Variants in PMS2 observed in about 807,000 individuals in gnomAD.
PMS2 encodes the protein mismatch repair endonuclease PMS2.
In PMS2, 69 loss-of-function variants were observed where a neutral mutation model predicts 90.0. The observed-to-expected ratio is 0.77, with a 90% CI of 0.63 to 0.94. PMS2 has a LOEUF of 0.94. Among genes scored for constraint, PMS2 ranks in the 40% least tolerant of loss-of-function variants. The pLI is 0.00. For synonymous variants in PMS2, 332 were observed against 375.1 expected (o/e 0.89, Z 1.33); for missense variants, 966 against 1,040.2 (o/e 0.93, Z 0.98).
intron 7 of PMS2, among the ~76,000 whole-genome samples, 168 bp downstream of exon 7, chr7:5,997,158 G>A (rs1784496460): frequency 6.6e-6 from 1 of 150,958 alleles, no homozygotes; most frequent in African/African-American, 2.4e-5. Context: ...AGGTTGCAGT[G>A]AGCCAAGATA....
intron 9 of PMS2, among the ~76,000 whole-genome samples, chr7:5,991,498 T>A (rs1426845243): frequency 6.6e-6 from 1 of 150,866 alleles, no homozygotes; most frequent in African/African-American, 2.4e-5. Flanking sequence ...CCTAACAATA[T>A]AATTAACATA....
intron 12 of PMS2, 111 bp from the exon 13 acceptor site, chr7:5,978,807 C>T: frequency 3.9e-6 from 5 of 1,274,120 alleles, no homozygotes; most frequent in Non-Finnish European, 5.5e-6. Flanking sequence ...GTCAAAATAA[C>T]AACACAAATA....
chr7:5,993,653 G>C lies in PMS2; in HGVS notation c.904-1596C>G, dbSNP rs573370850. ...AGAGGCGGGTGGATCACGAGGTCAG[G>C]AGTTCGAGACCAGCCTGGCCAATGT... On this transcript the variant is annotated intron_variant, in intron 8 of 14. Coordinates refer to ENST00000265849, the MANE Select transcript of PMS2 (RefSeq NM_000535.7). Among the ~76,000 whole-genome samples the C allele has an allele frequency of 2.0e-5, 3 of 151,502 alleles. 1 individual carries two copies. Among genetic ancestry groups the C allele is most frequent in the African/African-American group, 4.8e-5 (2 of 41,424 alleles).
intron 8 of PMS2, among the ~76,000 whole-genome samples, chr7:5,992,600 G>T (rs1376944237): frequency 6.6e-6 from 1 of 152,166 alleles, no homozygotes; most frequent in Non-Finnish European, 1.5e-5. Context: ...GATTATAGGC[G>T]TAAGCCACTA....
chr7:5,983,429 G>A (rs1239295684), intron 11 of PMS2, among the ~76,000 whole-genome samples: 1 of 151,392 alleles, frequency 6.6e-6, no homozygotes, highest in African/African-American at 2.4e-5. Context: ...ACTTTCTAAA[G>A]ATAACATTAA....
At chr7:5,995,037 A>AAT (rs1784222220) in intron 8 of PMS2, among the ~76,000 whole-genome samples, 1 of 151,868 alleles carries the variant, frequency 6.6e-6, no homozygotes, top group Non-Finnish European at 1.5e-5. Flanking sequence ...AGTAGAAAAA[A>AAT]ATATATATAT....
intron 8 of PMS2, among the ~76,000 whole-genome samples, chr7:5,994,253 C>T (rs564409759): frequency 1.5e-4 from 22 of 151,676 alleles, no homozygotes; most frequent in African/African-American, 3.9e-4. Flanking sequence ...TGGTGGCGCG[C>T]GCCTGTAATC....
intron 1 of PMS2, 59 bp downstream of exon 1, chr7:6,008,938 C>G (rs2128864977): frequency 6.2e-7 from 1 of 1,600,758 alleles, no homozygotes; most frequent in Non-Finnish European, 8.6e-7. Context: ...GTTGGAATGC[C>G]GTGGGTCTCA....
rs1784287243 is a variant in PMS2 at position 5,995,511 on chromosome 7, T to C, written c.903+23A>G. The stretch of plus-strand genomic sequence containing the variant: ...AAAGTCAAAGGCATAAAGAACAAAC[T>C]AACACAAAAAAATTTTAAATACCTT... On this transcript the variant is annotated intron_variant, in intron 8 of 14. Transcript: ENST00000265849. 3 of 1,525,424 alleles carry C rather than the reference T, an allele frequency of 2.0e-6. No individual in the cohort carries two copies. Among genetic ancestry groups the C allele is most frequent in the Non-Finnish European group, 2.7e-6 (3 of 1,099,148 alleles). The allele number at this position is 1,525,424 out of a possible 1,614,324, so 94.5% of individuals were successfully genotyped here. A position where few individuals can be genotyped will look rare whatever the true frequency, so the allele number is the denominator to read the frequency against.
chr7:5,978,051 C>T (rs1444862592), intron 13 of PMS2, among the ~76,000 whole-genome samples: 2 of 149,442 alleles, frequency 1.3e-5, no homozygotes, highest in East Asian at 2.0e-4. Context: ...ACCTGGGAGG[C>T]GGAGCTTGCA....
intron 7 of PMS2, 116 bp downstream of exon 7, chr7:5,997,210 T>C (rs895050074): frequency 5.8e-6 from 4 of 686,052 alleles, no homozygotes; most frequent in African/African-American, 5.6e-5. Context: ...CAAGACTCCG[T>C]CTCAAGAAAA....
In PMS2 at chr7:5,983,024, T is replaced by C. The variant is rs768482449; in HGVS notation, c.2007-33A>G. On this transcript the variant is annotated intron_variant, in intron 11 of 14. Transcript: ENST00000265849. The stretch of plus-strand genomic sequence containing the variant: ...TAGAAAATGTTAATTATCAGACATT[T>C]TACAAGATTATTTTTCTGATTATGT... The C allele has an allele frequency of 5.4e-6, 8 of 1,491,828 alleles. No individual in the cohort carries two copies. The highest frequency in any genetic ancestry group is 1.9e-5 in the Admixed American group (1 of 51,888). 92.4% of individuals were successfully genotyped at this position (1,491,828 alleles called of 1,614,324 possible). A position where few individuals can be genotyped will look rare whatever the true frequency, so the allele number is the denominator to read the frequency against.
chr7:5,988,832 T>C (rs556240579), intron 10 of PMS2, among the ~76,000 whole-genome samples: 46 of 152,012 alleles, frequency 3.0e-4, no homozygotes, highest in African/African-American at 9.4e-4. Flanking sequence ...CAGATTAAAC[T>C]ATACCGTTTT....
rs2128725850 is a variant in PMS2, at chr7:5,987,106, T to C, written c.1659A>G (p.Ser553=). ...DDSFSDVDCH[S]NQEDTGCKFR... ...ATTTACATCCGGTATCTTCCTGGTT[T>C]GAATGGCAGTCCACATCTGAAAAAG... The change falls in exon 11 of 15, where the codon TCA becomes TCG. Residue 553 remains serine (S), a synonymous_variant. Transcript: ENST00000265849. The C allele has an allele frequency of 6.2e-7, 1 of 1,614,150 alleles. No individual in the cohort carries two copies. Among genetic ancestry groups the C allele is most frequent in the East Asian group, 2.2e-5 (1 of 44,888 alleles).
At position 5,987,333 on chromosome 7, in the gene PMS2, T is replaced by C. The variant is rs144389038; in HGVS notation, c.1432A>G (p.Ser478Gly). ...TCCGTAGGGTCACTGGGTCCGTGAC[T>C]GGAACTCACTGCCTCTTTCTGAGGT... is the stretch of plus-strand genomic sequence containing the variant. ...LRPQKEAVSS[S>G]HGPSDPTDRA... Residue 478 changes from serine to glycine, a missense_variant, in exon 11 of 15, where the codon AGT becomes GGT. Physicochemically the swap from Ser to Gly is moderately conservative, Grantham distance 56. Coordinates refer to ENST00000265849, the MANE Select transcript of PMS2 (RefSeq NM_000535.7). The C allele has an allele frequency of 1.1e-5, 18 of 1,614,156 alleles. No homozygotes were observed. The highest frequency in any genetic ancestry group is 1.1e-4 in the African/African-American group (8 of 75,062).
At chr7:5,989,589 C>T (rs1783484035) in intron 10 of PMS2, among the ~76,000 whole-genome samples, 1 of 151,774 alleles carries the variant, frequency 6.6e-6, no homozygotes, top group South Asian at 2.1e-4. Context: ...ATGGCCTGAG[C>T]CCAGGAGTGT....
At chr7:5,983,404 C>T (rs1221768227) in intron 11 of PMS2, among the ~76,000 whole-genome samples, 3 of 151,478 alleles carry the variant, frequency 2.0e-5, no homozygotes, top group East Asian at 2.0e-4. Context: ...CCACTGCGTT[C>T]GGCTTAACCA....
intron 8 of PMS2, among the ~76,000 whole-genome samples, chr7:5,993,174 T>C (rs1191906842): frequency 1.3e-5 from 2 of 151,396 alleles, no homozygotes; most frequent in Non-Finnish European, 3.0e-5. Context: ...AGTTCTTGAC[T>C]AGCCTGGGCA....
chr7:5,994,406 A>C (rs1005956710), intron 8 of PMS2, among the ~76,000 whole-genome samples: 3 of 151,502 alleles, frequency 2.0e-5, no homozygotes, highest in Non-Finnish European at 4.4e-5. Flanking sequence ...AAACAACAAC[A>C]AAAAAAACTG....
Sources: gnomAD v4.1 joint callset for allele counts (sites outside exome capture counted in the v4.1 genomes callset) on GRCh38, gnomAD v4.1.1 for gene constraint, MANE v1.5 for transcripts, NCBI Gene and HGNC (gene_info 2026-07-23, HGNC 2026-07-21) for gene names.